Variants in SLC24A3 observed in about 807,000 individuals in gnomAD.
The protein encoded by SLC24A3 is solute carrier family 24 member 3.
A neutral mutation model predicts 75.8 loss-of-function variants in SLC24A3; 28 were observed. The observed-to-expected ratio is 0.37, with a 90% confidence interval of 0.27 to 0.51. The LOEUF (loss-of-function observed/expected upper bound fraction) is 0.51. Ranked by LOEUF, SLC24A3 falls within the 20% of genes least tolerant of loss-of-function variation. The pLI, the probability that SLC24A3 is intolerant of heterozygous loss-of-function variation, is 0.94. For synonymous variants in SLC24A3, 372 were observed against 334.1 expected (o/e 1.11, Z -1.24); for missense variants, 663 against 847.8 (o/e 0.78, Z 2.71).
At chr20:19,400,186 T>C (rs78688630) in intron 2 of SLC24A3, among the ~76,000 whole-genome samples, 3,008 of 152,302 alleles carry the variant, frequency 0.02, 108 homozygotes, top group African/African-American at 0.067. Context: ...CAGTTGGTCA[T>C]TTTTGATTGG....
At chr20:19,414,519 G>A (rs934575896) in intron 2 of SLC24A3, among the ~76,000 whole-genome samples, 1 of 152,120 alleles carries the variant, frequency 6.6e-6, no homozygotes, top group Admixed American at 6.6e-5. Context: ...AAACTTTTAA[G>A]ATATAACATT....
In SLC24A3 at chr20:19,638,287, T is replaced by C. The variant is rs6112495; in HGVS notation, c.613-15775T>C. On this transcript the variant is annotated intron_variant, in intron 6 of 16. Coordinates refer to ENST00000328041, the MANE Select transcript of SLC24A3 (RefSeq NM_020689.4). ...CTAGAAAGGCCTATTATGATTCTTT[T>C]ATTTGGCATTATATAAATAAGAACT... Among the ~76,000 whole-genome samples, 1,519 of 152,306 alleles carry C rather than the reference T, an allele frequency of 1.0e-2. 26 individuals are homozygous for C. Among genetic ancestry groups the C allele is most frequent in the African/African-American group, 0.035 (1,436 of 41,572 alleles).
At chr20:19,391,074 G>T (rs934961253) in intron 2 of SLC24A3, among the ~76,000 whole-genome samples, 1 of 152,216 alleles carries the variant, frequency 6.6e-6, no homozygotes, top group African/African-American at 2.4e-5. Flanking sequence ...GCGGCTTTGG[G>T]ACCATCCTGG....
At chr20:19,367,493 T>TG (rs886454379) in intron 2 of SLC24A3, among the ~76,000 whole-genome samples, 2 of 151,232 alleles carry the variant, frequency 1.3e-5, no homozygotes, top group Non-Finnish European at 2.9e-5. Context: ...GCCCTGCCTT[T>TG]TTTTTTTTAA....
At position 19,336,700 on chromosome 20, in the gene SLC24A3, AC is replaced by A. The variant is rs1433257435; in HGVS notation, c.271+55619del. The stretch of plus-strand genomic sequence containing the variant: ...GCCCGCCCGCCACCCCCCACCCCCC[AC>A]CCCCCACCCCCTCCTGCCCTGGACT... On this transcript the variant is annotated intron_variant, in intron 2 of 16. Coordinates refer to ENST00000328041, the MANE Select transcript of SLC24A3 (RefSeq NM_020689.4). Among the ~76,000 whole-genome samples the A allele has an allele frequency of 8.2e-3, 108 of 13,244 alleles. 1 individual carries two copies. The highest frequency in any genetic ancestry group is 0.071 in the Middle Eastern group (1 of 14). The allele number at this position is 13,244 out of a possible 152,430, so 8.7% of individuals were successfully genotyped here. A position where few individuals can be genotyped will look rare whatever the true frequency, so the allele number is the denominator to read the frequency against.
chr20:19,288,491 A>G (rs1281626749), intron 2 of SLC24A3, among the ~76,000 whole-genome samples: 1 of 152,208 alleles, frequency 6.6e-6, no homozygotes, highest in African/African-American at 2.4e-5. Flanking sequence ...AAACACAGGT[A>G]AAGGATGATA....
intron 2 of SLC24A3, among the ~76,000 whole-genome samples, chr20:19,421,910 G>A (rs114524289): frequency 2.4e-3 from 360 of 152,220 alleles, no homozygotes; most frequent in African/African-American, 8.1e-3. Flanking sequence ...GGAACTCTTC[G>A]CACCTGGCTG....
chr20:19,619,461 C>T (rs2031777278), intron 6 of SLC24A3, among the ~76,000 whole-genome samples: 1 of 152,168 alleles, frequency 6.6e-6, no homozygotes, highest in African/African-American at 2.4e-5. Context: ...CCTCAAGCCA[C>T]CCCAATCGAT....
At chr20:19,649,143 A>T (rs914560271) in intron 6 of SLC24A3, among the ~76,000 whole-genome samples, 1 of 152,256 alleles carries the variant, frequency 6.6e-6, no homozygotes, top group African/African-American at 2.4e-5. Context: ...GGCTTGGGGG[A>T]CACCTGCCAA....
chr20:19,345,960 A>G (rs554995839), intron 2 of SLC24A3, among the ~76,000 whole-genome samples: 3 of 151,000 alleles, frequency 2.0e-5, no homozygotes, highest in East Asian at 3.9e-4. Context: ...GGAAGTCATT[A>G]TACAAAAAAG....
chr20:19,392,975 T>C (rs1037543187), intron 2 of SLC24A3, among the ~76,000 whole-genome samples: 2 of 152,158 alleles, frequency 1.3e-5, no homozygotes, highest in African/African-American at 2.4e-5. Flanking sequence ...AACAAAAATA[T>C]ACCTCACTTC....
chr20:19,337,497 C>G (rs1985163825), intron 2 of SLC24A3, among the ~76,000 whole-genome samples: 1 of 151,928 alleles, frequency 6.6e-6, no homozygotes, highest in Non-Finnish European at 1.5e-5. Context: ...AAATAAAAGT[C>G]CACACATGGT....
chr20:19,665,824 TG>T, intron 7 of SLC24A3, 39 bp from the exon 8 acceptor site: 1 of 1,547,878 alleles, frequency 6.5e-7, no homozygotes. Context: ...TGTGTGTGTG[TG>T]TGTGTGTCTA....
intron 2 of SLC24A3, among the ~76,000 whole-genome samples, chr20:19,282,278 C>T (rs143697080): frequency 1.2e-3 from 181 of 152,212 alleles, no homozygotes; most frequent in East Asian, 5.6e-3. Context: ...TCTGCCCTGC[C>T]TCCACCACCA....
chr20:19,368,426 T>C (rs939592007), intron 2 of SLC24A3, among the ~76,000 whole-genome samples: 1 of 152,246 alleles, frequency 6.6e-6, no homozygotes, highest in Admixed American at 6.5e-5. Context: ...TGTCACTTCA[T>C]GGTCCTCCTC....
chr20:19,367,143 C>T lies in SLC24A3; in HGVS notation c.271+86056C>T, dbSNP rs558638002. 2.6e-4 allele frequency among the ~76,000 whole-genome samples: 40 copies of T among 152,214 alleles called. 1 individual carries two copies. Among genetic ancestry groups the T allele is most frequent in the Non-Finnish European group, 5.0e-4 (34 of 68,038 alleles). ...TTGTAGTTAATTTAACTTTAATTCA[C>T]ATTTACATTTAAATGGCCACATGTA... On this transcript the variant is annotated intron_variant, in intron 2 of 16. Transcript: ENST00000328041.
At chr20:19,258,656 C>T (rs1379190732) in intron 1 of SLC24A3, among the ~76,000 whole-genome samples, 5 of 152,106 alleles carry the variant, frequency 3.3e-5, no homozygotes, top group African/African-American at 7.2e-5. Context: ...GAGCTGAGAT[C>T]GCGCCACTGC....
intron 15 of SLC24A3, among the ~76,000 whole-genome samples, chr20:19,701,336 C>T (rs2032869754): frequency 7.4e-6 from 1 of 135,256 alleles, no homozygotes; most frequent in Non-Finnish European, 1.6e-5. Context: ...TAATTTGGTG[C>T]CCCCCGAAAC....
In SLC24A3 at chr20:19,413,330, T is replaced by A. The variant is rs1986776368; in HGVS notation, c.272-102158T>A. On this transcript the variant is annotated intron_variant, in intron 2 of 16. Coordinates refer to ENST00000328041, the MANE Select transcript of SLC24A3 (RefSeq NM_020689.4). Reference sequence around the variant, plus strand: ...AGCAAAACCAAGATGCAATGAATATTTGTTGTATAAATAAATCAATGGTAC... The same window carrying A: ...AGCAAAACCAAGATGCAATGAATATATGTTGTATAAATAAATCAATGGTAC... Among the ~76,000 whole-genome samples the A allele has an allele frequency of 3.3e-5, 5 of 152,318 alleles. No individual in the cohort carries two copies. The South Asian group carries it at 1.0e-3, about 32-fold the overall frequency.
Sources: allele counts gnomAD v4.1 joint callset (sites outside exome capture counted in the v4.1 genomes callset), GRCh38; gene constraint gnomAD v4.1.1; transcripts MANE v1.5; gene names NCBI Gene and HGNC (gene_info 2026-07-23, HGNC 2026-07-21).